OCIAD1: variants seen among roughly 807,000 people sequenced by gnomAD.
The protein encoded by OCIAD1 is OCIA domain-containing protein 1.
OCIAD1 carries 29 observed loss-of-function variants against 38.9 expected under a neutral mutation model. The observed-to-expected ratio is 0.74, with a 90% confidence interval of 0.55 to 1.02. OCIAD1 has a LOEUF of 1.02. OCIAD1 is among the 50% of genes least tolerant of loss of function. OCIAD1 has a pLI of 0.00. For missense variants in OCIAD1, 288 were observed against 289.6 expected (o/e 0.99, Z 0.04); for synonymous variants, 110 against 92.0 (o/e 1.20, Z -1.12).
intron 6 of OCIAD1, among the ~76,000 whole-genome samples, chr4:48,850,859 G>A (rs1779392145): frequency 6.6e-6 from 1 of 152,226 alleles, no homozygotes; most frequent in Admixed American, 6.5e-5. Context: ...ACAGGCGTGA[G>A]CCACTGCATC....
chr4:48,817,235 ACCCAGCT>A (rs1777152345), intron 1 of OCIAD1, among the ~76,000 whole-genome samples: 1 of 152,174 alleles, frequency 6.6e-6, no homozygotes, highest in Non-Finnish European at 1.5e-5. Context: ...GGACTGTGCT[ACCCAGCT>A]GGGTTACTAC....
intron 6 of OCIAD1, among the ~76,000 whole-genome samples, chr4:48,850,584 T>C (rs1208874910): frequency 6.6e-6 from 1 of 152,120 alleles, no homozygotes; most frequent in African/African-American, 2.4e-5. Flanking sequence ...TTGTTTTGTT[T>C]TGTTTTGAGA....
intron 7 of OCIAD1, among the ~76,000 whole-genome samples, chr4:48,855,626 G>A (rs1365366678): frequency 6.6e-6 from 1 of 152,074 alleles, no homozygotes; most frequent in Admixed American, 6.6e-5. Context: ...AGACCAGCCT[G>A]ACCAATATGG....
rs1779522439 is a variant in OCIAD1, at chr4:48,851,970, T to G, written c.542T>G (p.Val181Gly). 1 of 1,600,774 alleles carries G rather than the reference T, an allele frequency of 6.2e-7. No individual in the cohort carries two copies. The highest frequency in any genetic ancestry group is 1.1e-5 in the South Asian group (1 of 88,754). The change falls in exon 7 of 9, where the codon GTC (valine) becomes GGC (glycine). Residue 181 changes from valine (V) to glycine (G), a missense_variant. By Grantham distance (109) the Val-to-Gly change is moderately radical. Transcript: ENST00000264312. ...CCCACTGGTATTACTGATCATATTGTCCAAGGTAGAAACTTCTCTTGAAAT... is the reference window on the plus strand; with the variant it reads ...CCCACTGGTATTACTGATCATATTGGCCAAGGTAGAAACTTCTCTTGAAAT... Reference protein sequence around the residue: ...SAPTGITDHIVQGPDPNLEES... With the variant: ...SAPTGITDHIGQGPDPNLEES...
At chr4:48,848,949 G>A (rs911734461) in intron 5 of OCIAD1, among the ~76,000 whole-genome samples, 10 of 152,030 alleles carry the variant, frequency 6.6e-5, no homozygotes, top group African/African-American at 2.2e-4. Context: ...TATACACCAT[G>A]GAATACTATG....
rs34347200 is a variant in OCIAD1, at chr4:48,839,435, C to CA, written c.140-3185dup. On this transcript the variant is annotated intron_variant, in intron 3 of 8. Coordinates refer to ENST00000264312, the MANE Select transcript of OCIAD1 (RefSeq NM_017830.4). The stretch of plus-strand genomic sequence containing the variant: ...TGGGTGACAAAGCGAGACTTCATCT[C>CA]AAAAAAAAAAAAAAAAGAGTATGGA... 3.4e-3 allele frequency among the ~76,000 whole-genome samples: 402 copies of CA among 119,172 alleles called. 8 individuals carry two copies. The highest frequency in any genetic ancestry group is 9.6e-3 in the Middle Eastern group (2 of 208). The allele number at this position is 119,172 out of a possible 152,430, so 78.2% of individuals were successfully genotyped here.
chr4:48,811,019 C>T (rs1260993880), intron 1 of OCIAD1, among the ~76,000 whole-genome samples: 3 of 151,388 alleles, frequency 2.0e-5, no homozygotes, highest in Non-Finnish European at 2.9e-5. Flanking sequence ...CCATGTCTGG[C>T]TAATTTTTTG....
chr4:48,807,136 G>T (rs1350373072), intron 1 of OCIAD1, among the ~76,000 whole-genome samples: 2 of 152,040 alleles, frequency 1.3e-5, no homozygotes, highest in Admixed American at 1.3e-4. Context: ...CAAACTTGTA[G>T]CCTCAAGTGA....
At position 48,860,943 on chromosome 4, in the gene OCIAD1, T is replaced by C; in HGVS notation, c.*181T>C. The C allele has an allele frequency of 1.2e-5, 7 of 602,172 alleles. No individual in the cohort carries two copies. Among genetic ancestry groups the C allele is most frequent in the South Asian group, 4.3e-5 (2 of 46,160 alleles). 37.3% of individuals were successfully genotyped at this position (602,172 alleles called of 1,614,324 possible). On this transcript the variant is annotated 3_prime_UTR_variant, in exon 9 of 9. Coordinates refer to ENST00000264312, the MANE Select transcript of OCIAD1 (RefSeq NM_017830.4). The stretch of plus-strand genomic sequence containing the variant: ...AAACACAGATTTTTAGTGTTAATAT[T>C]GTGTAAATGTACTCACCTTAGGGAT...
chr4:48,818,136 C>T (rs1384574357), intron 1 of OCIAD1, among the ~76,000 whole-genome samples: 2 of 152,202 alleles, frequency 1.3e-5, no homozygotes, highest in Non-Finnish European at 2.9e-5. Flanking sequence ...GGAATAACCT[C>T]CCAACATGGG....
At position 48,851,875 on chromosome 4, in the gene OCIAD1, A is replaced by G; in HGVS notation, c.447A>G (p.Ala149=). 6.2e-7 allele frequency: 1 copy of G among 1,613,760 alleles called. No homozygotes were observed. The highest frequency in any genetic ancestry group is 8.5e-7 in the Non-Finnish European group (1 of 1,179,698). Reference sequence around the variant, plus strand: ...AATCATCTTTTGTGACATCCCCAGCAGCAGACAACATAGAAATGCTTCCTC... The same window carrying G: ...AATCATCTTTTGTGACATCCCCAGCGGCAGACAACATAGAAATGCTTCCTC... ...SGQSSFVTSP[A]ADNIEMLPHY... The change falls in exon 7 of 9, where the codon GCA becomes GCG. Residue 149 remains alanine, a synonymous_variant. Transcript: ENST00000264312.
At chr4:48,825,718 G>T (rs538640195) in intron 1 of OCIAD1, among the ~76,000 whole-genome samples, 1 of 152,032 alleles carries the variant, frequency 6.6e-6, no homozygotes, top group African/African-American at 2.4e-5. Context: ...TAAGAAATCC[G>T]CCCTATGCTA....
chr4:48,851,749 C>T, intron 6 of OCIAD1, 57 bp from the exon 7 acceptor site: 1 of 965,502 alleles, frequency 1.0e-6, no homozygotes, highest in Non-Finnish European at 1.6e-6. Context: ...TTTAACACTT[C>T]TTTAAGATAT....
chr4:48,857,482 C>G (rs1780153557), intron 8 of OCIAD1, 117 bp downstream of exon 8: 1 of 548,330 alleles, frequency 1.8e-6, no homozygotes, highest in African/African-American at 2.0e-5. Context: ...AGCAATTAAC[C>G]AAAGTAAAAT....
intron 6 of OCIAD1, among the ~76,000 whole-genome samples, chr4:48,851,043 T>A (rs190187948): frequency 6.0e-4 from 92 of 152,372 alleles, no homozygotes; most frequent in Admixed American, 2.2e-3. Context: ...CAGCTTTTCA[T>A]TTTAATGCTT....
At chr4:48,816,580 T>A (rs1777145990) in intron 1 of OCIAD1, among the ~76,000 whole-genome samples, 3 of 151,716 alleles carry the variant, frequency 2.0e-5, no homozygotes, top group African/African-American at 4.8e-5. Flanking sequence ...TTTTGTTGAA[T>A]AAATATTGAC....
At chr4:48,848,353 CT>C (rs750176880) in intron 4 of OCIAD1, 45 bp from the exon 5 acceptor site, 1 of 902,798 alleles carries the variant, frequency 1.1e-6, no homozygotes, top group Non-Finnish European at 1.8e-6. Flanking sequence ...ACTGATTTTT[CT>C]TTCTGTAACA....
Position 48,842,628 on chromosome 4 carries a change from T to A in OCIAD1, c.140-8T>A. 31 of 1,565,094 alleles carry A rather than the reference T, an allele frequency of 2.0e-5. No homozygotes were observed. Among genetic ancestry groups the A allele is most frequent in the Non-Finnish European group, 2.6e-5 (30 of 1,154,582 alleles). On this transcript the variant is annotated splice_region_variant and splice_polypyrimidine_tract_variant and intron_variant, in intron 3 of 8. Coordinates refer to ENST00000264312, the MANE Select transcript of OCIAD1 (RefSeq NM_017830.4). ...GTTGATGTTAACAAGGTCTTTTTCTTCCTATAGCTGTGCCTTTGGCTGCAA... is the reference window on the plus strand; with the variant it reads ...GTTGATGTTAACAAGGTCTTTTTCTACCTATAGCTGTGCCTTTGGCTGCAA...
upstream of OCIAD1, among the ~76,000 whole-genome samples, chr4:48,829,468 C>T (rs990069742): frequency 2.6e-5 from 4 of 152,110 alleles, no homozygotes; most frequent in East Asian, 1.9e-4. Flanking sequence ...TAGGCAAATA[C>T]GGCTCCTACT....
Sources: gnomAD v4.1 joint callset for allele counts (sites outside exome capture counted in the v4.1 genomes callset) on GRCh38, gnomAD v4.1.1 for gene constraint, MANE v1.5 for transcripts, NCBI Gene and HGNC (gene_info 2026-07-23, HGNC 2026-07-21) for gene names.